The following MMAB variants were observed in gnomAD, a reference collection of about 807,000 sequenced individuals.
MMAB encodes corrinoid adenosyltransferase MMAB.
Under a neutral mutation model 30.6 loss-of-function variants are expected in MMAB, and 17 were observed. That is an observed-to-expected ratio of 0.56 (90% CI 0.38 to 0.83). The LOEUF (loss-of-function observed/expected upper bound fraction) is 0.83. Ranked by LOEUF, MMAB falls within the 40% of genes least tolerant of loss-of-function variation. The pLI, the probability that MMAB is intolerant of heterozygous loss-of-function variation, is 0.00. For synonymous variants in MMAB, 134 were observed against 138.6 expected (o/e 0.97, Z 0.23); for missense variants, 311 against 331.6 (o/e 0.94, Z 0.48).
intron 2 of MMAB, 63 bp downstream of exon 2, chr12:109,571,583 GGAA>G (rs1884627406): frequency 6.8e-7 from 1 of 1,467,700 alleles, no homozygotes; most frequent in Non-Finnish European, 9.5e-7. Context: ...CAAAGAATTT[GGAA>G]GAACTTTAAA....
chr12:109,555,872 A>T lies in MMAB; in HGVS notation c.*1156T>A. 2.2e-6 allele frequency: 1 copy of T among 454,132 alleles called. No individual in the cohort carries two copies. Among genetic ancestry groups the T allele is most frequent in the Non-Finnish European group, 4.4e-6 (1 of 226,788 alleles). The allele number at this position is 454,132 out of a possible 1,614,324, so 28.1% of individuals were successfully genotyped here. A position where few individuals can be genotyped will look rare whatever the true frequency, so the allele number is the denominator to read the frequency against. On this transcript the variant is annotated 3_prime_UTR_variant, in exon 9 of 9. Transcript: ENST00000545712. ...GTTTGCTGACTTGCCAGCAAGAAAG[A>T]TGGCCGGAAAGACCAGCTGTCCCGA...
intron 7 of MMAB, 145 bp downstream of exon 7, chr12:109,560,895 T>C: frequency 1.2e-6 from 1 of 806,666 alleles, no homozygotes; most frequent in Non-Finnish European, 2.1e-6. Flanking sequence ...GGCTCAGAGA[T>C]GGCCCTGCTG....
In MMAB at chr12:109,558,408, C is replaced by T. The variant is rs1420362720; in HGVS notation, c.644+688G>A. 3.9e-5 allele frequency among the ~76,000 whole-genome samples: 6 copies of T among 152,142 alleles called. No individual in the cohort carries two copies. Among genetic ancestry groups the T allele is most frequent in the Non-Finnish European group, 7.4e-5 (5 of 68,024 alleles). ...TGGGAGGAGTGGCCACAGTCAAGGG[C>T]CTGAGGTCACTTTCTAGACACCCAG... On this transcript the variant is annotated intron_variant, in intron 8 of 8. Transcript: ENST00000545712. This position sits in a 1 kb window ranked among gnomAD's most constrained non-coding sequence, Gnocchi z 4.3.
rs1371728807 is a variant in MMAB at position 109,553,942 on chromosome 12, T to C, written c.*3086A>G. 2.2e-5 allele frequency: 10 copies of C among 453,990 alleles called. No homozygotes were observed. The highest frequency in any genetic ancestry group is 1.4e-4 in the South Asian group (9 of 64,464). The allele number at this position is 453,990 out of a possible 1,614,324, so 28.1% of individuals were successfully genotyped here. On this transcript the variant is annotated 3_prime_UTR_variant, in exon 9 of 9. Coordinates refer to ENST00000545712, the MANE Select transcript of MMAB (RefSeq NM_052845.4). ...TGGGATGTGTTACAAGTTCGGGCTG[T>C]GGAAATTACTCGATGAAAAACGCAC...
At chr12:109,572,173 G>A (rs1028681087) in intron 1 of MMAB, among the ~76,000 whole-genome samples, 3 of 152,080 alleles carry the variant, frequency 2.0e-5, no homozygotes, top group African/African-American at 7.2e-5. Context: ...GCAGGAGTGG[G>A]ATGCCCAAAA....
intron 3 of MMAB, among the ~76,000 whole-genome samples, chr12:109,566,487 G>A (rs976714397): frequency 3.9e-5 from 6 of 152,214 alleles, no homozygotes; most frequent in African/African-American, 7.2e-5. Context: ...CCATCATAGC[G>A]GATGCCCCAT....
chr12:109,560,836 C>A (rs1358710932), intron 7 of MMAB, among the ~76,000 whole-genome samples: 1 of 152,212 alleles, frequency 6.6e-6, no homozygotes, highest in Non-Finnish European at 1.5e-5. Flanking sequence ...TGGTCCCCGT[C>A]TGGCACAGTG....
rs958047133 is a variant in MMAB, at chr12:109,568,687, A to C, written c.290+83T>G. The C allele has an allele frequency of 2.6e-4, 278 of 1,078,546 alleles. 1 individual carries two copies. Among genetic ancestry groups the C allele is most frequent in the Admixed American group, 2.5e-4 (15 of 59,316 alleles). The allele number at this position is 1,078,546 out of a possible 1,614,324, so 66.8% of individuals were successfully genotyped here. A position where few individuals can be genotyped will look rare whatever the true frequency, so the allele number is the denominator to read the frequency against. On this transcript the variant is annotated intron_variant, in intron 3 of 8. Transcript: ENST00000545712. ...CTGACAACCTCCGAGGCTGCTGCCC[A>C]GCATGCGTGAGAGCTTCACATTCAT...
intron 2 of MMAB, among the ~76,000 whole-genome samples, chr12:109,570,287 A>T (rs1317058198): frequency 6.6e-6 from 1 of 152,004 alleles, no homozygotes; most frequent in Non-Finnish European, 1.5e-5. Context: ...CAGTGACAGA[A>T]ACAGCCCTGC....
At chr12:109,566,577 TG>T (rs1884435962) in intron 3 of MMAB, among the ~76,000 whole-genome samples, 1 of 152,184 alleles carries the variant, frequency 6.6e-6, no homozygotes, top group Non-Finnish European at 1.5e-5. Flanking sequence ...GGCCCCACCC[TG>T]GGCACTTGCC....
In MMAB at chr12:109,559,080, G is replaced by C; in HGVS notation, c.644+16C>G. 6.2e-7 allele frequency: 1 copy of C among 1,609,408 alleles called. No homozygotes were observed. The highest frequency in any genetic ancestry group is 1.3e-5 in the African/African-American group (1 of 74,960). On this transcript the variant is annotated intron_variant, in intron 8 of 8. Transcript: ENST00000545712. ...CTCGGCTTTCAGAGAGGAACCCCCAGGTTCCACGCGAGTACCTGTTTAAGA... is the reference window on the plus strand; with the variant it reads ...CTCGGCTTTCAGAGAGGAACCCCCACGTTCCACGCGAGTACCTGTTTAAGA...
chr12:109,561,374 T>A lies in MMAB; in HGVS notation c.519+46A>T. 1 of 1,545,478 alleles carries A rather than the reference T, an allele frequency of 6.5e-7. No individual in the cohort carries two copies. Among genetic ancestry groups the A allele is most frequent in the Non-Finnish European group, 8.7e-7 (1 of 1,145,224 alleles). ...TTCAGAGCCCATGTGTGTCTGTCAC[T>A]GAACCTGCCTGCAGCCGCCCCCGGT... On this transcript the variant is annotated intron_variant, in intron 6 of 8. Transcript: ENST00000545712. The surrounding 1 kb of genome is among the most constrained non-coding windows in gnomAD (Gnocchi z 5.3).
In MMAB at chr12:109,554,899, C is replaced by G. The variant is rs563015602; in HGVS notation, c.*2129G>C. ...CACCTGCTGAGTGGTGGCATCTGCC[C>G]TGCACCCAGGTGGTTTCTCAGAGAA... On this transcript the variant is annotated 3_prime_UTR_variant, in exon 9 of 9. Transcript: ENST00000545712. 3.4e-4 allele frequency: 155 copies of G among 454,108 alleles called. No homozygotes were observed. The highest frequency in any genetic ancestry group is 3.0e-3 in the African/African-American group (149 of 50,126). 28.1% of individuals were successfully genotyped at this position (454,108 alleles called of 1,614,324 possible). A position where few individuals can be genotyped will look rare whatever the true frequency, so the allele number is the denominator to read the frequency against.
chr12:109,554,776 A>G lies in MMAB; in HGVS notation c.*2252T>C, dbSNP rs1245795749. The G allele has an allele frequency of 2.4e-5, 11 of 454,028 alleles. No individual in the cohort carries two copies. In the Admixed American group the frequency reaches 2.6e-4, roughly 11 times the overall value. 28.1% of individuals were successfully genotyped at this position (454,028 alleles called of 1,614,324 possible). ...TCGGGCTCTTGATAGAGCTTTTGAAAGGCACTGCAGAAGAGCAAATGTTTT... is the reference window on the plus strand; with the variant it reads ...TCGGGCTCTTGATAGAGCTTTTGAAGGGCACTGCAGAAGAGCAAATGTTTT... On this transcript the variant is annotated 3_prime_UTR_variant, in exon 9 of 9. Coordinates refer to ENST00000545712, the MANE Select transcript of MMAB (RefSeq NM_052845.4).
At position 109,559,144 on chromosome 12, in the gene MMAB, A is replaced by AGAGGCACCACACTAGAAAGGGAG; in HGVS notation, c.585-12_595dup (p.Leu199ProfsTer23). 1 of 1,613,742 alleles carries AGAGGCACCACACTAGAAAGGGAG rather than the reference A, an allele frequency of 6.2e-7. No individual in the cohort carries two copies. Among genetic ancestry groups the AGAGGCACCACACTAGAAAGGGAG allele is most frequent in the Admixed American group, 1.7e-5 (1 of 60,026 alleles). On this transcript the variant is annotated frameshift_variant, in exon 8 of 9. Transcript: ENST00000545712. LOFTEE classifies it high-confidence loss of function. ...CGCATCGGTCTCTCCCATCTGGACA[A>AGAGGCACCACACTAGAAAGGGAG]GAGGCACCACACTAGAAAGGGAGGA...
chr12:109,573,442 C>A lies in MMAB; in HGVS notation c.39G>T (p.Gly13=), dbSNP rs1318802820. The A allele has an allele frequency of 1.2e-6, 2 of 1,606,866 alleles. No homozygotes were observed. Among genetic ancestry groups the A allele is most frequent in the African/African-American group, 1.3e-5 (1 of 74,910 alleles). Residue 13 remains glycine (G), a synonymous_variant, in exon 1 of 9, where the codon GGG becomes GGT. Transcript: ENST00000545712. ...AGCACCCGCGCAGGCCAAGACGGCT[C>A]CCCAGGCCAAGACGGCTCCCCAGGC... The part of the protein sequence containing the change: ...VCGLGSRLGL[G]SRLGLRGCFG...
rs1357344587 is a variant in MMAB at position 109,554,632 on chromosome 12, C to CG, written c.*2395dup. The CG allele has an allele frequency of 2.2e-6, 1 of 453,958 alleles. No individual in the cohort carries two copies. The highest frequency in any genetic ancestry group is 4.4e-6 in the Non-Finnish European group (1 of 226,800). 28.1% of individuals were successfully genotyped at this position (453,958 alleles called of 1,614,324 possible). A position where few individuals can be genotyped will look rare whatever the true frequency, so the allele number is the denominator to read the frequency against. ...CAGTGGTGTGCAAACACTGGGGCAG[C>CG]GGGGGCTTCGCAGTCACATTTCCTG... On this transcript the variant is annotated 3_prime_UTR_variant, in exon 9 of 9. Coordinates refer to ENST00000545712, the MANE Select transcript of MMAB (RefSeq NM_052845.4).
intron 3 of MMAB, among the ~76,000 whole-genome samples, chr12:109,566,347 A>G (rs968931073): frequency 3.9e-5 from 6 of 152,226 alleles, no homozygotes; most frequent in African/African-American, 1.4e-4. Flanking sequence ...GGGCCAATGG[A>G]GAATATCCAG....
At chr12:109,566,535 C>T (rs1460536899) in intron 3 of MMAB, among the ~76,000 whole-genome samples, 1 of 152,226 alleles carries the variant, frequency 6.6e-6, no homozygotes, top group Admixed American at 6.5e-5. Flanking sequence ...TACCTGCTTG[C>T]CGAGGGATGC....
Sources: gnomAD v4.1 joint callset for allele counts (sites outside exome capture counted in the v4.1 genomes callset) on GRCh38, gnomAD v4.1.1 for gene constraint, Gnocchi (gnomAD v3.1) non-coding constraint, MANE v1.5 for transcripts, NCBI Gene and HGNC (gene_info 2026-07-23, HGNC 2026-07-21) for gene names.